Variants in TNRC6A observed in about 807,000 individuals in gnomAD.
TNRC6A encodes trinucleotide repeat-containing gene 6A protein.
In TNRC6A, 44 loss-of-function variants were observed where a neutral mutation model predicts 221.2. The ratio of observed to expected loss-of-function variants is 0.20; its 90% confidence interval spans 0.16 to 0.26. The LOEUF is 0.26. Among genes scored for constraint, TNRC6A ranks in the 10% least tolerant of loss-of-function variants. The probability of loss-of-function intolerance (pLI) is 1.00; values close to 1 mark genes in which losing one functional copy is unlikely to be tolerated. For missense variants in TNRC6A, 2,199 were observed against 2,404.4 expected (o/e 0.91, Z 1.79); for synonymous variants, 847 against 838.5 (o/e 1.01, Z -0.18).
chr16:24,643,041 A>G (rs2141770305), intron 2 of TNRC6A, among the ~76,000 whole-genome samples: 1 of 145,484 alleles, frequency 6.9e-6, no homozygotes, highest in Non-Finnish European at 1.5e-5. Context: ...GAGACCCTGT[A>G]TCTTTAATAT....
intron 22 of TNRC6A, among the ~76,000 whole-genome samples, chr16:24,820,771 C>T (rs888889243): frequency 7.2e-5 from 11 of 152,192 alleles, no homozygotes; most frequent in African/African-American, 2.4e-5. Context: ...GTTGATTAAT[C>T]ATACATGGCC....
At chr16:24,694,159 G>A (rs867705256) in intron 2 of TNRC6A, among the ~76,000 whole-genome samples, 4 of 152,178 alleles carry the variant, frequency 2.6e-5, no homozygotes, top group Middle Eastern at 3.4e-3. Context: ...GAAGACTCAC[G>A]CCTCCCCTCT....
chr16:24,629,278 A>G lies in TNRC6A; in HGVS notation n.277-11606A>G, dbSNP rs1479409701. Reference sequence around the variant, plus strand: ...TTTTTAACCACAATTACAAATTTGAATCTCCTAAGTGCTTCAAACATCTGA... The same window carrying G: ...TTTTTAACCACAATTACAAATTTGAGTCTCCTAAGTGCTTCAAACATCTGA... On this transcript the variant is annotated intron_variant and non_coding_transcript_variant, in intron 1 of 2. Coordinates refer to the TNRC6A transcript ENST00000566108. Among the ~76,000 whole-genome samples the G allele has an allele frequency of 2.0e-5, 3 of 152,180 alleles. No homozygotes were observed. In the East Asian group the frequency reaches 5.8e-4, roughly 29 times the overall value.
At chr16:24,745,007 A>G (rs534563682) in intron 2 of TNRC6A, among the ~76,000 whole-genome samples, 2 of 152,328 alleles carry the variant, frequency 1.3e-5, no homozygotes, top group Admixed American at 6.5e-5. Context: ...TTGCAGCTGC[A>G]TAATATTCCA....
intron 2 of TNRC6A, among the ~76,000 whole-genome samples, chr16:24,722,594 C>T (rs1023576792): frequency 1.2e-4 from 18 of 152,034 alleles, no homozygotes; most frequent in Admixed American, 3.3e-4. Context: ...CCACCACACC[C>T]GGCTAATTTT....
Position 24,760,297 on chromosome 16 carries a change from G to A in TNRC6A, c.163+1937G>A, listed in dbSNP as rs190288932. Among the ~76,000 whole-genome samples, 36 of 152,068 alleles carry A rather than the reference G, an allele frequency of 2.4e-4. No individual in the cohort carries two copies. The East Asian group carries it at 6.2e-3, about 26-fold the overall frequency. On this transcript the variant is annotated intron_variant, in intron 4 of 24. Transcript: ENST00000395799. ...GTTATAATCTCAAATTTGGGCACTTGGTTATATTCTTACATTTTTGACTGA... is the reference window on the plus strand; with the variant it reads ...GTTATAATCTCAAATTTGGGCACTTAGTTATATTCTTACATTTTTGACTGA...
At chr16:24,659,303 G>A (rs1436661833) in intron 2 of TNRC6A, among the ~76,000 whole-genome samples, 1 of 152,052 alleles carries the variant, frequency 6.6e-6, no homozygotes, top group Non-Finnish European at 1.5e-5. Flanking sequence ...ATAGGACAGA[G>A]GTTTTGCTAT....
At chr16:24,774,591 T>C (rs2057681573) in intron 4 of TNRC6A, among the ~76,000 whole-genome samples, 1 of 152,206 alleles carries the variant, frequency 6.6e-6, no homozygotes, top group Non-Finnish European at 1.5e-5. Context: ...ATGTTTAGAT[T>C]TTTAAAGTAA....
At chr16:24,775,533 G>C (rs992907156) in intron 4 of TNRC6A, among the ~76,000 whole-genome samples, 6 of 152,216 alleles carry the variant, frequency 3.9e-5, no homozygotes, top group African/African-American at 1.4e-4. Context: ...TGAGAGTGTG[G>C]AAGAGGAAGT....
At chr16:24,772,637 G>A (rs572079796) in intron 4 of TNRC6A, among the ~76,000 whole-genome samples, 5 of 152,232 alleles carry the variant, frequency 3.3e-5, no homozygotes, top group African/African-American at 1.2e-4. Context: ...AGAAAAATTA[G>A]CCGGGGCTGG....
At chr16:24,709,630 G>A (rs868787519) in intron 2 of TNRC6A, among the ~76,000 whole-genome samples, 10 of 152,050 alleles carry the variant, frequency 6.6e-5, no homozygotes, top group Middle Eastern at 3.4e-3. Flanking sequence ...TTCCAGTCCA[G>A]CCTGGGCAAC....
intron 2 of TNRC6A, among the ~76,000 whole-genome samples, chr16:24,740,728 G>A (rs549310308): frequency 6.6e-6 from 1 of 152,224 alleles, no homozygotes; most frequent in South Asian, 2.1e-4. Context: ...TTGTTGTGCA[G>A]CCATCACCAC....
At chr16:24,821,843 G>A in intron 22 of TNRC6A, 1 of 554,068 alleles carries the variant, frequency 1.8e-6, no homozygotes, top group Non-Finnish European at 3.2e-6. Flanking sequence ...CCTCCTCTGT[G>A]GTGAACTGGG....
intron 1 of TNRC6A, among the ~76,000 whole-genome samples, chr16:24,620,420 A>G (rs1449953651): frequency 6.6e-6 from 1 of 152,192 alleles, no homozygotes; most frequent in Non-Finnish European, 1.5e-5. Context: ...GAAGTAGATT[A>G]TGGAATGCCT....
intron 4 of TNRC6A, among the ~76,000 whole-genome samples, chr16:24,770,383 T>C (rs1181347339): frequency 2.0e-5 from 3 of 152,016 alleles, no homozygotes; most frequent in African/African-American, 4.8e-5. Context: ...TGAAAGTGGG[T>C]GGGGCAGGGA....
chr16:24,638,101 A>G (rs1428655024), intron 1 of TNRC6A, among the ~76,000 whole-genome samples: 2 of 152,150 alleles, frequency 1.3e-5, no homozygotes, highest in Non-Finnish European at 2.9e-5. Flanking sequence ...CCATTTATAC[A>G]AAGTACAAAA....
intron 4 of TNRC6A, among the ~76,000 whole-genome samples, chr16:24,766,897 G>A (rs112130086): frequency 1.4e-4 from 22 of 152,006 alleles, no homozygotes; most frequent in East Asian, 3.9e-4. Flanking sequence ...GGCTGGTGTC[G>A]AACTCCTGAC....
At chr16:24,777,446 A>G in intron 5 of TNRC6A, 88 bp downstream of exon 5, 1 of 1,317,356 alleles carries the variant, frequency 7.6e-7, no homozygotes, top group East Asian at 2.3e-5. Context: ...TTGGTGATGT[A>G]TTTGTATTCA....
At chr16:24,713,376 C>T (rs1289485262) in intron 2 of TNRC6A, among the ~76,000 whole-genome samples, 1 of 151,934 alleles carries the variant, frequency 6.6e-6, no homozygotes, top group African/African-American at 2.4e-5. Flanking sequence ...AGAGATCATG[C>T]CAGTGCACTC....
Sources: allele counts gnomAD v4.1 joint callset (sites outside exome capture counted in the v4.1 genomes callset), GRCh38; gene constraint gnomAD v4.1.1; transcripts MANE v1.5; gene names NCBI Gene and HGNC (gene_info 2026-07-23, HGNC 2026-07-21).